SPEF2: variants seen among roughly 807,000 people sequenced by gnomAD.
The protein encoded by SPEF2 is sperm flagella and cilia-associated protein 2.
A neutral mutation model predicts 224.6 loss-of-function variants in SPEF2; 187 were observed. The ratio of observed to expected loss-of-function variants is 0.83; its 90% CI spans 0.74 to 0.94. The LOEUF (loss-of-function observed/expected upper bound fraction) is 0.94, where lower values mean the gene tolerates loss of function less well. Among genes scored for constraint, SPEF2 ranks in the 40% least tolerant of loss-of-function variants. The pLI is 0.00. For missense variants in SPEF2, 2,170 were observed against 2,135.6 expected (o/e 1.02, Z -0.32); for synonymous variants, 715 against 707.3 (o/e 1.01, Z -0.17).
At chr5:35,796,184 C>T (rs1182490929) in intron 33 of SPEF2, among the ~76,000 whole-genome samples, 2 of 152,214 alleles carry the variant, frequency 1.3e-5, no homozygotes, top group African/African-American at 4.8e-5. Context: ...TTGACTAATA[C>T]AGCAAGGGTT....
At position 35,691,078 on chromosome 5, in the gene SPEF2, C is replaced by A; in HGVS notation, c.1566C>A (p.Asp522Glu). ...GEWALPEEMV[D>E]NLPPSNNCIL... ...GGGCCTTACCAGAAGAAATGGTTGA[C>A]AATTTACCACCCTCCAACAATTGCA... is the stretch of plus-strand genomic sequence containing the variant. Residue 522 changes from aspartate (D) to glutamate (E), a missense_variant, in exon 11 of 37, where the codon GAC becomes GAA. Physicochemically the swap from Asp to Glu is conservative, Grantham distance 45. Transcript: ENST00000356031. The A allele has an allele frequency of 6.2e-7, 1 of 1,613,966 alleles. No homozygotes were observed. Among genetic ancestry groups the A allele is most frequent in the Non-Finnish European group, 8.5e-7 (1 of 1,179,944 alleles).
At chr5:35,652,074 G>A (rs1268998106) in intron 6 of SPEF2, among the ~76,000 whole-genome samples, 1 of 152,152 alleles carries the variant, frequency 6.6e-6, no homozygotes, top group Non-Finnish European at 1.5e-5. Flanking sequence ...GCTACTAATA[G>A]ATTATACACA....
At chr5:35,728,202 T>G (rs952934122) in intron 21 of SPEF2, among the ~76,000 whole-genome samples, 6 of 152,300 alleles carry the variant, frequency 3.9e-5, no homozygotes, top group African/African-American at 1.2e-4. Context: ...TAAGTGAAGT[T>G]TAACCTTTGA....
At chr5:35,652,554 A>T (rs1373141732) in intron 6 of SPEF2, among the ~76,000 whole-genome samples, 1 of 152,192 alleles carries the variant, frequency 6.6e-6, no homozygotes, top group Non-Finnish European at 1.5e-5. Context: ...GCCCCGGCTG[A>T]TAAAATGATT....
chr5:35,808,943 T>C (rs1486022643), intron 36 of SPEF2, among the ~76,000 whole-genome samples: 1 of 151,152 alleles, frequency 6.6e-6, no homozygotes, highest in Non-Finnish European at 1.5e-5. Flanking sequence ...TATGCAGTAG[T>C]GAAATATGAT....
At chr5:35,699,570 T>C (rs958982510) in intron 15 of SPEF2, 1 of 152,148 alleles carries the variant, frequency 6.6e-6, no homozygotes. Context: ...ATCAGGATAC[T>C]ATGACTCTAC....
At chr5:35,693,171 C>G (rs1484832916) in intron 12 of SPEF2, among the ~76,000 whole-genome samples, 1 of 152,126 alleles carries the variant, frequency 6.6e-6, no homozygotes, top group Non-Finnish European at 1.5e-5. Context: ...GGACTGAGAT[C>G]CTCCCACTCA....
chr5:35,675,187 T>C lies in SPEF2; in HGVS notation c.1524+4960T>C, dbSNP rs186214352. Among the ~76,000 whole-genome samples, 16 of 152,286 alleles carry C rather than the reference T, an allele frequency of 1.1e-4. No homozygotes were observed. The East Asian group carries it at 3.1e-3, about 29-fold the overall frequency. On this transcript the variant is annotated intron_variant, in intron 10 of 36. Transcript: ENST00000356031. ...CTGAGATATTCTCTAAGGCTATTAT[T>C]CTATTGTAAAAATTCTGCCTGTCAT...
At chr5:35,670,713 A>G in intron 10 of SPEF2, 1 of 985,818 alleles carries the variant, frequency 1.0e-6, no homozygotes, top group Non-Finnish European at 1.2e-6. Flanking sequence ...ATCGGGTGCC[A>G]ACTGTGATTT....
intron 30 of SPEF2, among the ~76,000 whole-genome samples, chr5:35,786,592 G>C (rs1256886255): frequency 6.6e-6 from 1 of 152,098 alleles, no homozygotes; most frequent in Admixed American, 6.6e-5. Flanking sequence ...CCCAGGAGGC[G>C]GAAGTTGTAG....
intron 29 of SPEF2, among the ~76,000 whole-genome samples, chr5:35,778,533 T>C (rs1318726715): frequency 1.3e-5 from 2 of 152,168 alleles, no homozygotes; most frequent in African/African-American, 4.8e-5. Flanking sequence ...CTAGGAATTG[T>C]TATTCTTCAT....
At chr5:35,652,849 A>T (rs1448388904) in intron 6 of SPEF2, among the ~76,000 whole-genome samples, 2 of 152,184 alleles carry the variant, frequency 1.3e-5, no homozygotes, top group African/African-American at 4.8e-5. Context: ...ATAAGAATTG[A>T]TGACAAGTCT....
chr5:35,666,825 C>G (rs1750536156), intron 8 of SPEF2, among the ~76,000 whole-genome samples: 1 of 152,132 alleles, frequency 6.6e-6, no homozygotes, highest in Non-Finnish European at 1.5e-5. Flanking sequence ...TGGGCTTTCC[C>G]CAGTTAGATC....
chr5:35,734,700 CTTTTTTTTCTT>C (rs556762702), intron 21 of SPEF2, among the ~76,000 whole-genome samples: 3,487 of 29,290 alleles, frequency 0.12, 156 homozygotes, highest in South Asian at 0.2. Context: ...GAATTGCTTT[CTTTTTTTTCTT>C]TTTTTTTTTT....
intron 25 of SPEF2, among the ~76,000 whole-genome samples, chr5:35,760,487 TA>T (rs1751114138): frequency 6.6e-6 from 1 of 152,156 alleles, no homozygotes; most frequent in African/African-American, 2.4e-5. Context: ...CTTTTACTGA[TA>T]AAGACATTGA....
intron 20 of SPEF2, among the ~76,000 whole-genome samples, chr5:35,722,706 A>G (rs1227857806): frequency 1.4e-4 from 18 of 128,530 alleles, no homozygotes; most frequent in African/African-American, 4.5e-4. Context: ...TCATTGTTCA[A>G]TTCCCACCTA....
chr5:35,733,801 A>T (rs889420896), intron 21 of SPEF2, among the ~76,000 whole-genome samples: 2 of 150,246 alleles, frequency 1.3e-5, no homozygotes, highest in African/African-American at 2.5e-5. Flanking sequence ...AAAAAAAAAA[A>T]GTGGATTGTG....
chr5:35,792,218 C>T, intron 30 of SPEF2, 122 bp from the exon 31 acceptor site: 2 of 569,432 alleles, frequency 3.5e-6, no homozygotes, highest in Non-Finnish European at 5.6e-6. Context: ...TTCTTTAAAA[C>T]TTACCATTTT....
chr5:35,800,177 TAG>T, intron 34 of SPEF2, 30 bp downstream of exon 34: 1 of 1,609,506 alleles, frequency 6.2e-7, no homozygotes, highest in Non-Finnish European at 8.5e-7. Flanking sequence ...AGACTAACTA[TAG>T]AGTCTAGAGG....
Sources: gnomAD v4.1 joint callset for allele counts (sites outside exome capture counted in the v4.1 genomes callset) on GRCh38, gnomAD v4.1.1 for gene constraint, MANE v1.5 for transcripts, NCBI Gene and HGNC (gene_info 2026-07-23, HGNC 2026-07-21) for gene names.